PPP3CA: variants seen among roughly 807,000 people sequenced by gnomAD.
PPP3CA encodes the protein CAM-PRP catalytic subunit.
In PPP3CA, 14 loss-of-function variants were observed where a neutral mutation model predicts 66.5. That is an observed-to-expected ratio of 0.21 (90% CI 0.14 to 0.33). The LOEUF is 0.33. PPP3CA is among the 10% of genes least tolerant of loss of function. The pLI is 1.00. For missense variants in PPP3CA, 317 were observed against 639.5 expected, an observed-to-expected ratio of 0.50 and a Z score of 5.44; for synonymous variants, 232 against 226.2, an observed-to-expected ratio of 1.03 and a Z score of -0.23.
At chr4:101,244,747 G>A (rs1052885505) in intron 1 of PPP3CA, among the ~76,000 whole-genome samples, 1 of 152,094 alleles carries the variant, frequency 6.6e-6, no homozygotes, top group African/African-American at 2.4e-5. Flanking sequence ...TTGAAGTTGT[G>A]CTATACATGA....
intron 1 of PPP3CA, among the ~76,000 whole-genome samples, chr4:101,263,053 G>A (rs981893227): frequency 1.3e-5 from 2 of 152,202 alleles, no homozygotes; most frequent in African/African-American, 4.8e-5. Flanking sequence ...CATACTGTGT[G>A]TACATGGTTG....
intron 2 of PPP3CA, among the ~76,000 whole-genome samples, chr4:101,146,902 T>C (rs1192370378): frequency 6.6e-6 from 1 of 152,192 alleles, no homozygotes; most frequent in Non-Finnish European, 1.5e-5. Flanking sequence ...GCCCTAAGCA[T>C]TTCCTTTGAG....
intron 1 of PPP3CA, among the ~76,000 whole-genome samples, chr4:101,220,426 T>A (rs1725590365): frequency 1.3e-5 from 2 of 151,752 alleles, no homozygotes; most frequent in East Asian, 3.9e-4. Context: ...CTCTTTATAA[T>A]CAAACTAAAA....
intron 8 of PPP3CA, 93 bp from the exon 9 acceptor site, chr4:101,063,450 C>T (rs1399731016): frequency 2.8e-6 from 4 of 1,430,140 alleles, no homozygotes; most frequent in Non-Finnish European, 3.8e-6. Flanking sequence ...AACCATTTGA[C>T]TGAAGTTCCA....
chr4:101,313,204 T>A (rs191725860), intron 1 of PPP3CA, among the ~76,000 whole-genome samples: 38 of 152,142 alleles, frequency 2.5e-4, no homozygotes, highest in African/African-American at 8.7e-4. Flanking sequence ...TTTTTCTTTT[T>A]CTTTTTGAGA....
At chr4:101,161,302 T>C (rs1723500399) in intron 2 of PPP3CA, among the ~76,000 whole-genome samples, 1 of 152,172 alleles carries the variant, frequency 6.6e-6, no homozygotes, top group South Asian at 2.1e-4. Context: ...TCCCTGTTGT[T>C]AAGCAAAGTG....
chr4:101,075,943 C>A (rs1378639179), intron 8 of PPP3CA, among the ~76,000 whole-genome samples: 1 of 152,188 alleles, frequency 6.6e-6, no homozygotes, highest in Non-Finnish European at 1.5e-5. Context: ...ATATCCCCAA[C>A]ACCTAGCATG....
At chr4:101,268,813 G>A (rs1727246715) in intron 1 of PPP3CA, among the ~76,000 whole-genome samples, 1 of 152,092 alleles carries the variant, frequency 6.6e-6, no homozygotes, top group Non-Finnish European at 1.5e-5. Context: ...GGAAAAAAAA[G>A]TCAAAGGACA....
At chr4:101,044,395 C>G (rs1727670582) in intron 10 of PPP3CA, among the ~76,000 whole-genome samples, 1 of 152,110 alleles carries the variant, frequency 6.6e-6, no homozygotes, top group Admixed American at 6.6e-5. Context: ...TGGTACTGTT[C>G]TGTTTAAGTT....
At chr4:101,276,326 A>G (rs915281470) in intron 1 of PPP3CA, among the ~76,000 whole-genome samples, 1 of 152,204 alleles carries the variant, frequency 6.6e-6, no homozygotes, top group Non-Finnish European at 1.5e-5. Flanking sequence ...CCAAATTAAT[A>G]TGAGAAGTAA....
intron 8 of PPP3CA, among the ~76,000 whole-genome samples, chr4:101,064,598 T>C (rs1318965496): frequency 6.6e-6 from 1 of 152,054 alleles, no homozygotes; most frequent in Non-Finnish European, 1.5e-5. Flanking sequence ...GAATGGATGC[T>C]CAGGAGCTGG....
chr4:101,101,027 T>A lies in PPP3CA; in HGVS notation c.385-1305A>T, dbSNP rs199893763. Among the ~76,000 whole-genome samples, 4 of 152,152 alleles carry A rather than the reference T, an allele frequency of 2.6e-5. No homozygotes were observed. The East Asian group carries it at 7.7e-4, about 29-fold the overall frequency. ...AGAACAAATGTTTATTATTTTGTTGTTCAAGCAAGATATTATCTCTAGGTA... is the reference window on the plus strand; with the variant it reads ...AGAACAAATGTTTATTATTTTGTTGATCAAGCAAGATATTATCTCTAGGTA... On this transcript the variant is annotated intron_variant, in intron 3 of 13. Transcript: ENST00000394854.
intron 9 of PPP3CA, among the ~76,000 whole-genome samples, chr4:101,062,248 G>A (rs1286777317): frequency 3.3e-5 from 5 of 151,976 alleles, no homozygotes; most frequent in Non-Finnish European, 5.9e-5. Context: ...ATATGGAGTA[G>A]TATTGGGAAT....
intron 1 of PPP3CA, among the ~76,000 whole-genome samples, chr4:101,205,995 T>C (rs890110396): frequency 1.3e-5 from 2 of 152,222 alleles, no homozygotes; most frequent in African/African-American, 4.8e-5. Context: ...AATTCCCACC[T>C]GCTCTGGCTC....
At chr4:101,142,061 A>AT (rs1385384248) in intron 2 of PPP3CA, among the ~76,000 whole-genome samples, 3 of 152,182 alleles carry the variant, frequency 2.0e-5, no homozygotes, top group Admixed American at 6.5e-5. Flanking sequence ...AAAAAAAAAA[A>AT]AAAAAGAAGA....
At chr4:101,074,475 A>T (rs1560588764) in intron 8 of PPP3CA, among the ~76,000 whole-genome samples, 2 of 152,182 alleles carry the variant, frequency 1.3e-5, no homozygotes, top group Non-Finnish European at 2.9e-5. Context: ...CTATGTAGAC[A>T]GTGTCACTGA....
chr4:101,233,055 T>C (rs559686571), intron 1 of PPP3CA, among the ~76,000 whole-genome samples: 4 of 151,810 alleles, frequency 2.6e-5, no homozygotes, highest in Non-Finnish European at 5.9e-5. Context: ...TCTGTAACCA[T>C]TTTCAAAGGA....
At chr4:101,338,939 C>T (rs1467025070) in intron 1 of PPP3CA, among the ~76,000 whole-genome samples, 1 of 152,194 alleles carries the variant, frequency 6.6e-6, no homozygotes, top group African/African-American at 2.4e-5. Context: ...ATATATCTTG[C>T]TTTTAATTTA....
At chr4:101,109,370 T>C (rs1285721444) in intron 2 of PPP3CA, among the ~76,000 whole-genome samples, 2 of 148,474 alleles carry the variant, frequency 1.3e-5, no homozygotes, top group Admixed American at 6.7e-5. Context: ...ATTGTGCACT[T>C]AAAAATTCTT....
Sources: allele counts gnomAD v4.1 joint callset (sites outside exome capture counted in the v4.1 genomes callset), GRCh38; gene constraint gnomAD v4.1.1; transcripts MANE v1.5; gene names NCBI Gene and HGNC (gene_info 2026-07-23, HGNC 2026-07-21).